CRACD: variants seen among roughly 807,000 people sequenced by gnomAD.
CRACD encodes capping protein inhibiting regulator of actin dynamics.
In CRACD, 56 loss-of-function variants were observed where a neutral mutation model predicts 106.8. That is an observed-to-expected ratio of 0.52 (90% CI 0.42 to 0.66). The LOEUF is 0.66. Ranked by LOEUF, CRACD falls within the 30% of genes least tolerant of loss-of-function variation. The pLI is 0.00. For missense variants in CRACD, 1,730 were observed against 1,623.2 expected (o/e 1.07, Z -1.13); for synonymous variants, 754 against 670.8 (o/e 1.12, Z -1.92).
At chr4:56,252,897 C>T (rs897164441) in intron 2 of CRACD, among the ~76,000 whole-genome samples, 3 of 152,168 alleles carry the variant, frequency 2.0e-5, no homozygotes, top group Admixed American at 6.6e-5. Context: ...GAACCCTGAG[C>T]GGTTCGTGTA....
At chr4:56,125,177 A>C (rs1020382031) in intron 1 of CRACD, among the ~76,000 whole-genome samples, 7 of 152,170 alleles carry the variant, frequency 4.6e-5, no homozygotes, top group Non-Finnish European at 8.8e-5. Context: ...AATCACTTTC[A>C]CCCAGTGACT....
At chr4:56,054,303 C>T (rs1409299648) in intron 1 of CRACD, among the ~76,000 whole-genome samples, 2 of 152,126 alleles carry the variant, frequency 1.3e-5, no homozygotes, top group African/African-American at 2.4e-5. Flanking sequence ...AGCTCAGCCT[C>T]CTGAATAGCT....
At chr4:56,200,429 G>A in intron 2 of CRACD, among the ~76,000 whole-genome samples, 1 of 152,086 alleles carries the variant, frequency 6.6e-6, no homozygotes, top group East Asian at 1.9e-4. Context: ...TAAGCATAAT[G>A]GGAGCATTGA....
intron 4 of CRACD, chr4:56,301,267 GT>G: frequency 7.8e-7 from 1 of 1,277,750 alleles, no homozygotes; most frequent in Non-Finnish European, 1.0e-6. Context: ...AGAAGTGATA[GT>G]AACTTTATTA....
At chr4:56,196,963 G>A (rs1247950459) in intron 2 of CRACD, among the ~76,000 whole-genome samples, 1 of 151,974 alleles carries the variant, frequency 6.6e-6, no homozygotes, top group East Asian at 1.9e-4. Context: ...GAAACGTCCA[G>A]TATTCCATTC....
Position 56,314,526 on chromosome 4 carries a change from G to A in CRACD, c.1024G>A (p.Glu342Lys), listed in dbSNP as rs1745406496. 2 of 1,511,434 alleles carry A rather than the reference G, an allele frequency of 1.3e-6. No homozygotes were observed. The highest frequency in any genetic ancestry group is 4.5e-5 in the Admixed American group (2 of 44,762). The allele number at this position is 1,511,434 out of a possible 1,614,324, so 93.6% of individuals were successfully genotyped here. ...RRRLEEDARL[E>K]ERRRQEEEEG... ...GCGGCTGGAGGAGGACGCCAGGCTG[G>A]AGGAGCGGAGGCGGCAGGAGGAGGA... Residue 342 changes from glutamate (E) to lysine (K), a missense_variant, in exon 8 of 11, where the codon GAG becomes AAG. Glu to Lys is a moderately conservative substitution (Grantham distance 56, BLOSUM62 1). This residue lies in a region of CRACD where 1,620 missense variants were observed against 1,481.6 expected (regional missense o/e 1.09). Transcript: ENST00000682029. This position sits in a 1 kb window ranked among gnomAD's most constrained non-coding sequence, Gnocchi z 4.4.
intron 1 of CRACD, among the ~76,000 whole-genome samples, chr4:56,118,561 C>T (rs945187109): frequency 1.7e-4 from 26 of 152,090 alleles, no homozygotes; most frequent in Non-Finnish European, 2.8e-4. Context: ...TTAGGAAGCG[C>T]AGAGTTTCAC....
intron 1 of CRACD, among the ~76,000 whole-genome samples, chr4:56,124,071 G>A (rs1286079755): frequency 6.6e-6 from 1 of 152,092 alleles, no homozygotes; most frequent in Non-Finnish European, 1.5e-5. Context: ...CCAAGTAGCT[G>A]GGATTACAGG....
At chr4:56,300,262 A>G (rs946368395) in intron 4 of CRACD, among the ~76,000 whole-genome samples, 6 of 152,248 alleles carry the variant, frequency 3.9e-5, no homozygotes, top group Non-Finnish European at 5.9e-5. Flanking sequence ...TAAATGTAGC[A>G]TGTGGCAGAC....
intron 3 of CRACD, among the ~76,000 whole-genome samples, chr4:56,273,562 G>C (rs973245612): frequency 9.2e-5 from 14 of 152,124 alleles, no homozygotes; most frequent in Admixed American, 1.3e-4. Flanking sequence ...CAGTATCAGA[G>C]CTGGTTAAAC....
intron 2 of CRACD, among the ~76,000 whole-genome samples, chr4:56,225,084 G>GTTAT (rs1411831516): frequency 2.6e-5 from 4 of 152,076 alleles, no homozygotes; most frequent in African/African-American, 9.7e-5. Context: ...TCTCAACATG[G>GTTAT]TTATTTATTT....
intron 1 of CRACD, among the ~76,000 whole-genome samples, chr4:56,134,976 A>T (rs1734951623): frequency 3.9e-5 from 6 of 152,110 alleles, no homozygotes; most frequent in Admixed American, 3.9e-4. Context: ...GCCTCAATAG[A>T]AAACAAGCTG....
At chr4:56,213,032 A>G (rs1024636165) in intron 2 of CRACD, among the ~76,000 whole-genome samples, 1 of 152,214 alleles carries the variant, frequency 6.6e-6, no homozygotes, top group Non-Finnish European at 1.5e-5. Context: ...AGCAGTGGAC[A>G]CCATGGGCCT....
intron 1 of CRACD, among the ~76,000 whole-genome samples, chr4:56,103,270 C>T (rs549524650): frequency 6.6e-6 from 1 of 152,264 alleles, no homozygotes; most frequent in Admixed American, 6.5e-5. Flanking sequence ...ATATTCATTG[C>T]TCAAAGACAT....
At chr4:56,075,378 C>G (rs1732804425) in intron 1 of CRACD, among the ~76,000 whole-genome samples, 1 of 152,230 alleles carries the variant, frequency 6.6e-6, no homozygotes, top group Admixed American at 6.5e-5. Flanking sequence ...TGTTATTGGT[C>G]TATTTAGGGA....
At position 56,151,028 on chromosome 4, in the gene CRACD, G is replaced by A. The variant is rs58254121; in HGVS notation, c.-335-28256G>A. The stretch of plus-strand genomic sequence containing the variant: ...TATATATTTTTAGAGACGAAGTGTC[G>A]CTCTGTTGTCCAGGCTGGACTGCAA... On this transcript the variant is annotated intron_variant, in intron 1 of 10. Coordinates refer to ENST00000682029, the MANE Select transcript of CRACD (RefSeq NM_001393381.1). Among the ~76,000 whole-genome samples, 552 of 152,106 alleles carry A rather than the reference G, an allele frequency of 3.6e-3. 3 individuals are homozygous for A. The highest frequency in any genetic ancestry group is 0.012 in the African/African-American group (517 of 41,496).
At chr4:56,090,151 TTA>T (rs1491452907) in intron 1 of CRACD, among the ~76,000 whole-genome samples, 19 of 147,234 alleles carry the variant, frequency 1.3e-4, no homozygotes, top group Admixed American at 6.9e-4. Context: ...TTCCTTTTTT[TTA>T]AAAAAAAAAA....
chr4:56,069,985 A>AT lies in CRACD; in HGVS notation c.-336+20689dup, dbSNP rs1732583983. On this transcript the variant is annotated intron_variant, in intron 1 of 10. Coordinates refer to ENST00000682029, the MANE Select transcript of CRACD (RefSeq NM_001393381.1). ...CTGTAATTATTATTGGTTAATAGCT[A>AT]TTTCCTAATCCTAAATTTTCAATGT... 3.3e-5 allele frequency among the ~76,000 whole-genome samples: 5 copies of AT among 152,232 alleles called. No homozygotes were observed. In the South Asian group the frequency reaches 1.0e-3, roughly 32 times the overall value.
intron 1 of CRACD, among the ~76,000 whole-genome samples, chr4:56,075,147 C>A (rs969641387): frequency 6.6e-6 from 1 of 152,020 alleles, no homozygotes; most frequent in Non-Finnish European, 1.5e-5. Context: ...CTGAAATTTT[C>A]TTTTTTTGTT....
Sources: gnomAD v4.1 joint callset for allele counts (sites outside exome capture counted in the v4.1 genomes callset) on GRCh38, gnomAD v4.1.1 for gene constraint, gnomAD v4.1.1 regional missense constraint, Gnocchi (gnomAD v3.1) non-coding constraint, MANE v1.5 for transcripts, NCBI Gene and HGNC (gene_info 2026-07-23, HGNC 2026-07-21) for gene names.